Variants in ILRUN observed in about 807,000 individuals in gnomAD.
ILRUN encodes the protein inflammation and lipid regulator with UBA-like and NBR1-like domains.
ILRUN carries 3 observed loss-of-function variants against 33.8 expected under a neutral mutation model. The ratio of observed to expected loss-of-function variants is 0.09; its 90% CI spans 0.04 to 0.23. The LOEUF is 0.23. Ranked by LOEUF, ILRUN falls within the 10% of genes least tolerant of loss-of-function variation. The pLI is 1.00. For missense variants in ILRUN, 210 were observed against 375.1 expected (o/e 0.56, Z 3.64); for synonymous variants, 124 against 138.9 (o/e 0.89, Z 0.75).
At chr6:34,645,881 T>C (rs533351031) in intron 3 of ILRUN, among the ~76,000 whole-genome samples, 80 of 152,078 alleles carry the variant, frequency 5.3e-4, no homozygotes, top group African/African-American at 1.8e-3. Context: ...CAGGGTAAAG[T>C]TGAGAATAGA....
intron 4 of ILRUN, among the ~76,000 whole-genome samples, chr6:34,603,592 C>A (rs1761563695): frequency 6.6e-6 from 1 of 152,102 alleles, no homozygotes; most frequent in African/African-American, 2.4e-5. Flanking sequence ...TGTGATTGTG[C>A]CACTGCACTC....
intron 3 of ILRUN, among the ~76,000 whole-genome samples, chr6:34,635,597 G>C (rs1352587685): frequency 1.5e-5 from 2 of 137,468 alleles, no homozygotes; most frequent in Non-Finnish European, 3.1e-5. Context: ...GGGAGGAAAA[G>C]AAACTCTTAG....
chr6:34,637,864 C>CTGCTGTTGTTGTTGTTGT (rs749114775), intron 3 of ILRUN, among the ~76,000 whole-genome samples: 180 of 142,014 alleles, frequency 1.3e-3, no homozygotes, highest in South Asian at 3.6e-3. Flanking sequence ...GCTGCTGCTG[C>CTGCTGTTGTTGTTGTTGT]TGTTGTTGTT....
intron 1 of ILRUN, among the ~76,000 whole-genome samples, chr6:34,671,475 G>C (rs1763116686): frequency 6.6e-6 from 1 of 152,196 alleles, no homozygotes; most frequent in Non-Finnish European, 1.5e-5. Context: ...TTGTTCTTTA[G>C]CCTTTCATTC....
At chr6:34,653,253 T>A (rs192507546) in intron 2 of ILRUN, among the ~76,000 whole-genome samples, 1 of 151,844 alleles carries the variant, frequency 6.6e-6, no homozygotes, top group South Asian at 2.1e-4. Flanking sequence ...TTTTTTGAGA[T>A]GGAGTCTCAC....
intron 1 of ILRUN, among the ~76,000 whole-genome samples, chr6:34,665,135 C>T (rs887170745): frequency 2.0e-5 from 3 of 149,894 alleles, no homozygotes; most frequent in Non-Finnish European, 4.4e-5. Flanking sequence ...TCTGGCTCAT[C>T]TTATCTTTTT....
intron 3 of ILRUN, among the ~76,000 whole-genome samples, chr6:34,629,900 A>G (rs1295553395): frequency 6.6e-6 from 1 of 152,190 alleles, no homozygotes; most frequent in African/African-American, 2.4e-5. Context: ...GAAAGTATGG[A>G]AAGTACTAAA....
intron 3 of ILRUN, among the ~76,000 whole-genome samples, chr6:34,640,868 C>A (rs1191797101): frequency 3.3e-5 from 5 of 151,842 alleles, no homozygotes; most frequent in Non-Finnish European, 5.9e-5. Context: ...ATCACGAGGT[C>A]AAGAGTTCAA....
intron 3 of ILRUN, among the ~76,000 whole-genome samples, chr6:34,614,009 G>A (rs1003793419): frequency 8.5e-5 from 13 of 152,140 alleles, no homozygotes; most frequent in African/African-American, 2.9e-4. Context: ...AAGGATAAGG[G>A]CATGTCACAG....
At chr6:34,621,757 G>C (rs189784787) in intron 3 of ILRUN, among the ~76,000 whole-genome samples, 3 of 152,210 alleles carry the variant, frequency 2.0e-5, no homozygotes, top group East Asian at 1.9e-4. Context: ...AGGTACTCAG[G>C]AGGCTGGGGC....
chr6:34,675,908 A>G (rs1763218741), intron 1 of ILRUN, among the ~76,000 whole-genome samples: 1 of 152,180 alleles, frequency 6.6e-6, no homozygotes, highest in South Asian at 2.1e-4. Flanking sequence ...TTAACCCACC[A>G]GGCCAGCAAC....
intron 2 of ILRUN, among the ~76,000 whole-genome samples, chr6:34,648,119 G>A (rs1482935615): frequency 6.6e-6 from 1 of 152,202 alleles, no homozygotes; most frequent in Non-Finnish European, 1.5e-5. Context: ...GATTTTTCCT[G>A]TGAAGTCTCT....
chr6:34,628,603 A>T (rs1207867250), intron 3 of ILRUN, among the ~76,000 whole-genome samples: 1 of 151,372 alleles, frequency 6.6e-6, no homozygotes, highest in African/African-American at 2.4e-5. Flanking sequence ...AAGTGCTGGG[A>T]TTACAGGTGT....
chr6:34,627,606 C>A (rs1762163996), intron 3 of ILRUN, among the ~76,000 whole-genome samples: 1 of 152,066 alleles, frequency 6.6e-6, no homozygotes, highest in Non-Finnish European at 1.5e-5. Context: ...CTTGTAATGT[C>A]CTGAAAACAT....
intron 3 of ILRUN, among the ~76,000 whole-genome samples, chr6:34,640,235 C>T (rs1041048284): frequency 2.0e-5 from 3 of 151,906 alleles, no homozygotes; most frequent in African/African-American, 7.3e-5. Context: ...ATATGCCCCA[C>T]ACAGTGAAGA....
At chr6:34,676,062 C>A (rs996956117) in intron 1 of ILRUN, among the ~76,000 whole-genome samples, 2 of 151,920 alleles carry the variant, frequency 1.3e-5, no homozygotes, top group African/African-American at 4.8e-5. Context: ...AAACAGAAAA[C>A]AAAAAACATG....
intron 1 of ILRUN, chr6:34,685,306 G>C (rs1305215212): frequency 6.6e-6 from 1 of 152,016 alleles, no homozygotes; most frequent in Non-Finnish European, 1.5e-5. Flanking sequence ...AGGATAAATT[G>C]ACCTTTTATT....
chr6:34,654,484 G>A, intron 2 of ILRUN, 141 bp downstream of exon 2: 1 of 814,004 alleles, frequency 1.2e-6, no homozygotes, highest in Admixed American at 2.7e-5. Flanking sequence ...CATCACACCA[G>A]TACAAGAAAA....
rs557058727 is a variant in ILRUN, at chr6:34,693,703, G to C, written c.158+2743C>G. Among the ~76,000 whole-genome samples, 9 of 146,690 alleles carry C rather than the reference G, an allele frequency of 6.1e-5. No homozygotes were observed. The East Asian group carries it at 1.0e-3, about 16-fold the overall frequency. ...TTTTTTTGAGACGGAGTCTCGGTCT[G>C]TTGCCCAGGCTGGAGTGCAGTGGCG... is the stretch of plus-strand genomic sequence containing the variant. On this transcript the variant is annotated intron_variant, in intron 1 of 4. Transcript: ENST00000374023.
Sources: gnomAD v4.1 joint callset for allele counts (sites outside exome capture counted in the v4.1 genomes callset) on GRCh38, gnomAD v4.1.1 for gene constraint, MANE v1.5 for transcripts, NCBI Gene and HGNC (gene_info 2026-07-23, HGNC 2026-07-21) for gene names.